TMCO5A: variants seen among roughly 807,000 people sequenced by gnomAD.
TMCO5A encodes the protein transmembrane and coiled-coil domains 5A, also known as transmembrane and coiled-coil domain-containing protein 5A.
A neutral mutation model predicts 42.3 loss-of-function variants in TMCO5A; 34 were observed. The observed-to-expected ratio is 0.80, with a 90% confidence interval of 0.61 to 1.07. The LOEUF (loss-of-function observed/expected upper bound fraction) is 1.07. TMCO5A is among the 50% of genes least tolerant of loss of function. The pLI is 0.00. For synonymous variants in TMCO5A, 131 were observed against 115.6 expected (o/e 1.13, Z -0.86); for missense variants, 357 against 327.9 (o/e 1.09, Z -0.69).
intron 11 of TMCO5A, among the ~76,000 whole-genome samples, chr15:37,963,909 A>G (rs1358199757): frequency 6.6e-6 from 1 of 151,854 alleles, no homozygotes; most frequent in Admixed American, 6.6e-5. Context: ...TTCTTGTTTC[A>G]TTTTTTGGAT....
At chr15:37,980,335 C>T in the TMCO5A span, among the ~76,000 whole-genome samples, 1 of 152,190 alleles carries the variant, frequency 6.6e-6, no homozygotes, top group Non-Finnish European at 1.5e-5. Context: ...GGTCTAAGAT[C>T]CTCAGGAAGC....
At chr15:37,935,811 A>G (rs1889488931) in intron 2 of TMCO5A, among the ~76,000 whole-genome samples, 2 of 152,084 alleles carry the variant, frequency 1.3e-5, no homozygotes, top group Non-Finnish European at 2.9e-5. Context: ...CAAGTGAGGG[A>G]GAGGTGTTGA....
At chr15:37,981,688 A>G in the TMCO5A span, among the ~76,000 whole-genome samples, 1 of 152,182 alleles carries the variant, frequency 6.6e-6, no homozygotes, top group East Asian at 1.9e-4. Context: ...TCTGATAAGG[A>G]GCAAAACTAA....
chr15:37,976,583 T>A, the TMCO5A span, among the ~76,000 whole-genome samples: 2 of 152,196 alleles, frequency 1.3e-5, no homozygotes, highest in Non-Finnish European at 2.9e-5. Context: ...ATCCCATGTA[T>A]CTCAGAAGTT....
the TMCO5A span, among the ~76,000 whole-genome samples, chr15:38,034,636 C>T: frequency 6.6e-6 from 1 of 152,170 alleles, no homozygotes; most frequent in Non-Finnish European, 1.5e-5. Flanking sequence ...CTCATCTTCC[C>T]AGTTACAGCC....
chr15:37,987,364 C>CT, the TMCO5A span, among the ~76,000 whole-genome samples: 1 of 151,852 alleles, frequency 6.6e-6, no homozygotes, highest in African/African-American at 2.4e-5. Flanking sequence ...TCAATTAAGT[C>CT]TTTTGAGGCC....
At chr15:37,953,149 A>C (rs529525305), downstream of TMCO5A, among the ~76,000 whole-genome samples, 19 of 152,312 alleles carry the variant, frequency 1.2e-4, no homozygotes, top group South Asian at 3.5e-3. Flanking sequence ...CACCACCCTG[A>C]AGGGAAGGAC....
At chr15:37,976,458 C>T in the TMCO5A span, among the ~76,000 whole-genome samples, 2 of 152,216 alleles carry the variant, frequency 1.3e-5, no homozygotes, top group South Asian at 2.1e-4. Flanking sequence ...GCCTCTCTAA[C>T]AAGGTTAGGG....
At chr15:37,976,554 G>A in the TMCO5A span, among the ~76,000 whole-genome samples, 1 of 152,142 alleles carries the variant, frequency 6.6e-6, no homozygotes, top group African/African-American at 2.4e-5. Flanking sequence ...ATGAGTCATA[G>A]GTTTGGTCTC....
the TMCO5A span, among the ~76,000 whole-genome samples, chr15:38,001,993 T>A: frequency 3.2e-4 from 48 of 152,292 alleles, no homozygotes; most frequent in Non-Finnish European, 5.0e-4. Context: ...TCTTTCTGTG[T>A]ACCCACTATT....
At chr15:38,011,736 G>A in the TMCO5A span, among the ~76,000 whole-genome samples, 1 of 152,120 alleles carries the variant, frequency 6.6e-6, no homozygotes, top group Admixed American at 6.5e-5. Flanking sequence ...AATCTACCAT[G>A]TCTATGTAGA....
chr15:38,005,051 C>A, the TMCO5A span, among the ~76,000 whole-genome samples: 3 of 151,788 alleles, frequency 2.0e-5, no homozygotes, highest in Non-Finnish European at 4.4e-5. Flanking sequence ...TAACAGAGTA[C>A]AGGTCTGTTT....
chr15:38,003,598 C>G, the TMCO5A span, among the ~76,000 whole-genome samples: 2 of 151,992 alleles, frequency 1.3e-5, no homozygotes, highest in African/African-American at 4.8e-5. Flanking sequence ...GCTGGGCTGG[C>G]ACCCAAGCTT....
At chr15:37,948,463 C>T (rs1027335609) in intron 11 of TMCO5A, among the ~76,000 whole-genome samples, 9 of 151,724 alleles carry the variant, frequency 5.9e-5, no homozygotes, top group African/African-American at 2.2e-4. Context: ...AGTAGAATAC[C>T]CCTTCATACC....
At chr15:37,969,746 G>A (rs1890639280), downstream of TMCO5A, among the ~76,000 whole-genome samples, 4 of 152,024 alleles carry the variant, frequency 2.6e-5, no homozygotes, top group South Asian at 8.3e-4. Context: ...ATGTGTTGTT[G>A]ATGTTTGCTC....
the TMCO5A span, among the ~76,000 whole-genome samples, chr15:37,982,763 A>G: frequency 2.7e-5 from 4 of 145,478 alleles, no homozygotes; most frequent in Non-Finnish European, 6.0e-5. Flanking sequence ...TAATATATAA[A>G]TATATTGAGT....
At chr15:37,972,632 GT>G (rs1890696751), downstream of TMCO5A, among the ~76,000 whole-genome samples, 2 of 151,976 alleles carry the variant, frequency 1.3e-5, no homozygotes, top group African/African-American at 2.4e-5. Context: ...TAATGGGGTT[GT>G]TTTTTTCTTG....
At chr15:37,961,424 T>C (rs1262182071) in intron 11 of TMCO5A, among the ~76,000 whole-genome samples, 1 of 152,204 alleles carries the variant, frequency 6.6e-6, no homozygotes, top group Admixed American at 6.5e-5. Flanking sequence ...ACCAGTACCA[T>C]GCTGTTTTGG....
the TMCO5A span, among the ~76,000 whole-genome samples, chr15:38,035,207 A>C: frequency 0.72 from 109,672 of 152,156 alleles, 41,748 homozygotes; most frequent in East Asian, 0.95. Flanking sequence ...TCTACATCCA[A>C]ACATATGCAA....
Sources: gnomAD v4.1 joint callset for allele counts (sites outside exome capture counted in the v4.1 genomes callset) on GRCh38, gnomAD v4.1.1 for gene constraint, MANE v1.5 for transcripts, NCBI Gene and HGNC (gene_info 2026-07-23, HGNC 2026-07-21) for gene names.